ARMC2: variants seen among roughly 807,000 people sequenced by gnomAD.
ARMC2 encodes the protein armadillo repeat-containing protein 2.
Under a neutral mutation model 90.3 loss-of-function variants are expected in ARMC2, and 67 were observed. The observed-to-expected ratio is 0.74, with a 90% confidence interval of 0.61 to 0.91. The LOEUF (loss-of-function observed/expected upper bound fraction) is 0.91, where lower values mean the gene tolerates loss of function less well. ARMC2 is among the 40% of genes least tolerant of loss of function. ARMC2 has a pLI of 0.00. For missense variants in ARMC2, 920 were observed against 1,030.9 expected (o/e 0.89, Z 1.47); for synonymous variants, 393 against 393.0 (o/e 1.00, Z 0.00).
intron 5 of ARMC2, among the ~76,000 whole-genome samples, chr6:108,877,288 A>G (rs374898639): frequency 6.6e-6 from 1 of 152,222 alleles, no homozygotes; most frequent in East Asian, 1.9e-4. Context: ...GCTTGGACAC[A>G]TGTAGCATGC....
At chr6:109,046,468 C>CA in the ARMC2 span, among the ~76,000 whole-genome samples, 1 of 149,096 alleles carries the variant, frequency 6.7e-6, no homozygotes, top group Non-Finnish European at 1.5e-5. Flanking sequence ...CTTGGCCTCC[C>CA]AAAGTGCCGA....
chr6:108,907,556 C>T, intron 8 of ARMC2: 2 of 1,415,738 alleles, frequency 1.4e-6, no homozygotes, highest in Non-Finnish European at 2.0e-6. Context: ...GTGTTCCTCA[C>T]AGAGGGGCTC....
the ARMC2 span, among the ~76,000 whole-genome samples, chr6:109,005,685 G>A: frequency 3.3e-5 from 5 of 152,176 alleles, no homozygotes; most frequent in South Asian, 8.3e-4. Context: ...AATTTAGTGG[G>A]CATATTAATA....
At chr6:108,867,059 TG>T (rs774898190) in intron 3 of ARMC2, among the ~76,000 whole-genome samples, 1 of 152,228 alleles carries the variant, frequency 6.6e-6, no homozygotes, top group East Asian at 1.9e-4. Flanking sequence ...TTCAAAAATT[TG>T]TTGATTAACT....
At chr6:109,009,621 C>T in the ARMC2 span, 1 of 988,844 alleles carries the variant, frequency 1.0e-6, no homozygotes, top group Non-Finnish European at 1.2e-6. Context: ...ATTTCACCGC[C>T]CTGGCGGCCA....
intron 10 of ARMC2, among the ~76,000 whole-genome samples, chr6:108,917,071 A>AT (rs1242063480): frequency 6.6e-6 from 1 of 152,136 alleles, no homozygotes; most frequent in African/African-American, 2.4e-5. Flanking sequence ...TTGCATGCCT[A>AT]TTTTTTGGAT....
the ARMC2 span, chr6:109,009,454 A>G: frequency 1.5e-6 from 2 of 1,319,066 alleles, no homozygotes; most frequent in Non-Finnish European, 1.9e-6. Context: ...GCGGCGGCCA[A>G]GCGCATGTCG....
chr6:108,964,401 G>T, intron 16 of ARMC2, 89 bp downstream of exon 16: 2 of 1,439,800 alleles, frequency 1.4e-6, no homozygotes, highest in Non-Finnish European at 9.4e-7. Context: ...CATTCCTGTG[G>T]GGCAAAGGTA....
chr6:108,913,566 TC>T (rs1226005137), intron 10 of ARMC2, among the ~76,000 whole-genome samples: 1 of 152,234 alleles, frequency 6.6e-6, no homozygotes, highest in Non-Finnish European at 1.5e-5. Flanking sequence ...AATAGTAATT[TC>T]TAATTATAGA....
Position 108,940,516 on chromosome 6 carries a change from C to A in ARMC2, c.1596+3517C>A, listed in dbSNP as rs371722288. 3.9e-5 allele frequency among the ~76,000 whole-genome samples: 6 copies of A among 152,240 alleles called. No individual in the cohort carries two copies. The East Asian group carries it at 1.2e-3, about 29-fold the overall frequency. On this transcript the variant is annotated intron_variant, in intron 12 of 17. Transcript: ENST00000392644. Reference sequence around the variant, plus strand: ...AAGGTGGCCACCCCAACCTAATCTTCTTATTATACAAATGGTGTTTTTGCT... The same window carrying A: ...AAGGTGGCCACCCCAACCTAATCTTATTATTATACAAATGGTGTTTTTGCT...
At chr6:108,893,846 C>T (rs1378000395) in intron 5 of ARMC2, among the ~76,000 whole-genome samples, 2 of 152,034 alleles carry the variant, frequency 1.3e-5, no homozygotes, top group Non-Finnish European at 2.9e-5. Context: ...GCGAAACCCC[C>T]GTCTCTACTA....
At chr6:108,876,480 T>C (rs1244134331) in intron 5 of ARMC2, 130 bp downstream of exon 5, 1 of 861,290 alleles carries the variant, frequency 1.2e-6, no homozygotes, top group African/African-American at 1.8e-5. Context: ...TAAGGGTACA[T>C]GAATAGGAGA....
At chr6:108,889,617 T>A (rs1336375469) in intron 5 of ARMC2, among the ~76,000 whole-genome samples, 1 of 151,782 alleles carries the variant, frequency 6.6e-6, no homozygotes, top group Non-Finnish European at 1.5e-5. Context: ...TTTTAAAATT[T>A]TTTTTAGAGG....
chr6:108,923,022 T>G (rs942522265), intron 10 of ARMC2: 1 of 152,200 alleles, frequency 6.6e-6, no homozygotes, highest in South Asian at 2.1e-4. Context: ...TTTCTTCTCT[T>G]TTTTCTTCTT....
chr6:108,987,277 A>G, the ARMC2 span: 1 of 338,622 alleles, frequency 3.0e-6, no homozygotes, highest in East Asian at 4.6e-5. Context: ...TGCTGTATTA[A>G]AACAGTTACA....
intron 5 of ARMC2, among the ~76,000 whole-genome samples, chr6:108,886,950 G>A (rs1322673702): frequency 6.6e-6 from 1 of 151,174 alleles, no homozygotes; most frequent in East Asian, 2.0e-4. Flanking sequence ...GCCCAGGCTA[G>A]AGTGCAGTGG....
chr6:108,896,545 C>CA lies in ARMC2; in HGVS notation c.748+2004dup, dbSNP rs571930263. 6.8e-4 allele frequency among the ~76,000 whole-genome samples: 103 copies of CA among 152,288 alleles called. 2 individuals carry two copies. In the South Asian group the frequency reaches 0.02, roughly 30 times the overall value. On this transcript the variant is annotated intron_variant, in intron 6 of 17. Transcript: ENST00000392644. ...GAGGTGGAAAGGCTGTAGCCAGACA[C>CA]AACTGTGCCCTTTGAAATTCCTGGG... is the stretch of plus-strand genomic sequence containing the variant.
At chr6:108,891,279 G>A (rs988386976) in intron 5 of ARMC2, among the ~76,000 whole-genome samples, 2 of 152,154 alleles carry the variant, frequency 1.3e-5, no homozygotes, top group African/African-American at 2.4e-5. Context: ...TAATGGGATC[G>A]CTGGGTCAAA....
chr6:108,940,528 A>G (rs1776351333), intron 12 of ARMC2, among the ~76,000 whole-genome samples: 1 of 152,114 alleles, frequency 6.6e-6, no homozygotes, highest in Non-Finnish European at 1.5e-5. Flanking sequence ...TATTATACAA[A>G]TGGTGTTTTT....
Sources: allele counts gnomAD v4.1 joint callset (sites outside exome capture counted in the v4.1 genomes callset), GRCh38; gene constraint gnomAD v4.1.1; transcripts MANE v1.5; gene names NCBI Gene and HGNC (gene_info 2026-07-23, HGNC 2026-07-21).